The following BCAS3 variants were observed in gnomAD, a reference collection of about 807,000 sequenced individuals.
BCAS3 encodes the protein BCAS3 microtubule associated cell migration factor.
In BCAS3, 53 loss-of-function variants were observed where a neutral mutation model predicts 116.1. That is an observed-to-expected ratio of 0.46 (90% CI 0.37 to 0.57). The LOEUF (loss-of-function observed/expected upper bound fraction) is 0.57. Ranked by LOEUF, BCAS3 falls within the 20% of genes least tolerant of loss-of-function variation. The pLI is 0.00. For synonymous variants in BCAS3, 391 were observed against 408.2 expected, an observed-to-expected ratio of 0.96 and a Z score of 0.51; for missense variants, 917 against 1,165.4, an observed-to-expected ratio of 0.79 and a Z score of 3.10.
rs191229127 is a variant in BCAS3, at chr17:61,079,017, C to T, written c.2327+488C>T. ...ATTTTTATAATACATGTTCTCTCAT[C>T]CTTATTTGTAGGAATCCTAGGACAG... On this transcript the variant is annotated intron_variant, in intron 21 of 23. Transcript: ENST00000407086. Among the ~76,000 whole-genome samples the T allele has an allele frequency of 5.8e-4, 88 of 151,746 alleles. 1 individual carries two copies. In the South Asian group the frequency reaches 0.018, roughly 31 times the overall value.
chr17:61,087,593 AG>A lies in BCAS3; in HGVS notation c.2425+3030del, dbSNP rs1339711208. 2 of 152,226 alleles carry A rather than the reference AG, an allele frequency of 1.3e-5. No individual in the cohort carries two copies. Among genetic ancestry groups the A allele is most frequent in the African/African-American group, 4.8e-5 (2 of 41,446 alleles). 9.4% of individuals were successfully genotyped at this position (152,226 alleles called of 1,614,324 possible). A position where few individuals can be genotyped will look rare whatever the true frequency, so the allele number is the denominator to read the frequency against. ...CATTGAAACTAAAAGAGGTGTGCAG[AG>A]TGTGCCACTTTTACCATGTAATGGT... On this transcript the variant is annotated intron_variant, in intron 22 of 23. Transcript: ENST00000407086. This position sits in a 1 kb window ranked among gnomAD's most constrained non-coding sequence, Gnocchi z 4.6.
Position 61,276,840 on chromosome 17 carries a change from T to C in BCAS3, c.2426-91487T>C, listed in dbSNP as rs2050794558. On this transcript the variant is annotated intron_variant, in intron 22 of 23. Coordinates refer to ENST00000407086, the MANE Select transcript of BCAS3 (RefSeq NM_017679.5). The surrounding 1 kb of genome is among the most constrained non-coding windows in gnomAD (Gnocchi z 4.2). ...TACAGTAATCAAGACAGTGTGGTACTGGCATAAGGATAGACATATACCATA... is the reference window on the plus strand; with the variant it reads ...TACAGTAATCAAGACAGTGTGGTACCGGCATAAGGATAGACATATACCATA... 1.3e-5 allele frequency among the ~76,000 whole-genome samples: 2 copies of C among 152,328 alleles called. No individual in the cohort carries two copies. Among genetic ancestry groups the C allele is most frequent in the South Asian group, 4.1e-4 (2 of 4,832 alleles).
In BCAS3 at chr17:60,974,973, GTT is replaced by G. The variant is rs199766737; in HGVS notation, c.1222-14991_1222-14990del. On this transcript the variant is annotated intron_variant, in intron 14 of 23. Coordinates refer to ENST00000407086, the MANE Select transcript of BCAS3 (RefSeq NM_017679.5). The stretch of plus-strand genomic sequence containing the variant: ...TACCCATATTATATTCAAGCCATTT[GTT>G]TTTTTTGTTTTTTTTGCTTTTTTGT... Among the ~76,000 whole-genome samples, 379 of 136,976 alleles carry G rather than the reference GTT, an allele frequency of 2.8e-3. 12 individuals carry two copies. Among genetic ancestry groups the G allele is most frequent in the African/African-American group, 0.013 (361 of 28,810 alleles). 89.9% of individuals were successfully genotyped at this position (136,976 alleles called of 152,430 possible). A position where few individuals can be genotyped will look rare whatever the true frequency, so the allele number is the denominator to read the frequency against.
chr17:60,891,634 A>C (rs2057155866), intron 10 of BCAS3: 1 of 453,004 alleles, frequency 2.2e-6, no homozygotes, highest in Admixed American at 2.4e-5. Flanking sequence ...TTGACTATAA[A>C]ATCTTAAGAA....
chr17:60,789,341 G>A lies in BCAS3; in HGVS notation c.404-18663G>A, dbSNP rs554311288. The stretch of plus-strand genomic sequence containing the variant: ...CTTTGGTTTAAATGAGTTTACAATG[G>A]TGTGTGTGGTGGGGGATATTATTTA... On this transcript the variant is annotated intron_variant, in intron 6 of 23. Coordinates refer to ENST00000407086, the MANE Select transcript of BCAS3 (RefSeq NM_017679.5). 2.6e-5 allele frequency among the ~76,000 whole-genome samples: 4 copies of A among 152,254 alleles called. No homozygotes were observed. The East Asian group carries it at 7.7e-4, about 29-fold the overall frequency.
chr17:60,999,916 T>C (rs1420318467), intron 15 of BCAS3, among the ~76,000 whole-genome samples: 1 of 152,154 alleles, frequency 6.6e-6, no homozygotes, highest in African/African-American at 2.4e-5. Context: ...TTTTTGTGGC[T>C]TTTCTTAAAG....
chr17:61,332,282 C>A lies in BCAS3; in HGVS notation c.2426-36045C>A, dbSNP rs114252259. The stretch of plus-strand genomic sequence containing the variant: ...ACCTAAAACAGTCTTACTAGGACAG[C>A]AGGCTTAAGGTATGCCCAGCGCTCA... On this transcript the variant is annotated intron_variant, in intron 22 of 23. Transcript: ENST00000407086. The surrounding 1 kb of genome is among the most constrained non-coding windows in gnomAD (Gnocchi z 5.4). Among the ~76,000 whole-genome samples the A allele has an allele frequency of 1.3e-5, 2 of 152,162 alleles. No homozygotes were observed. The highest frequency in any genetic ancestry group is 4.2e-4 in the South Asian group (2 of 4,818).
intron 4 of BCAS3, among the ~76,000 whole-genome samples, chr17:60,706,139 T>C (rs979189960): frequency 1.2e-4 from 18 of 151,640 alleles, no homozygotes; most frequent in Non-Finnish European, 2.4e-4. Context: ...CTCGGCTCAC[T>C]GTAACCTCCA....
chr17:60,847,316 A>G (rs1409345105), intron 7 of BCAS3, among the ~76,000 whole-genome samples: 1 of 152,126 alleles, frequency 6.6e-6, no homozygotes, highest in Non-Finnish European at 1.5e-5. Context: ...TTTTGTGTGA[A>G]CATATGCTTG....
At chr17:60,723,142 A>G (rs1014387501) in intron 5 of BCAS3, among the ~76,000 whole-genome samples, 5 of 152,192 alleles carry the variant, frequency 3.3e-5, no homozygotes, top group African/African-American at 1.2e-4. Flanking sequence ...GAGATTCACC[A>G]ATTACGGATT....
chr17:61,383,305 T>G (rs1769810720), intron 23 of BCAS3: 1 of 152,290 alleles, frequency 6.6e-6, no homozygotes, highest in South Asian at 2.1e-4. Flanking sequence ...CTTCCTACTG[T>G]GAGGAGCTAC....
intron 6 of BCAS3, among the ~76,000 whole-genome samples, chr17:60,765,168 TG>T (rs567769246): frequency 1.3e-5 from 2 of 152,218 alleles, no homozygotes; most frequent in Non-Finnish European, 2.9e-5. Flanking sequence ...TGTCTTTTCA[TG>T]GGGGCATTTA....
In BCAS3 at chr17:61,219,083, G is replaced by A. The variant is rs374866167; in HGVS notation, c.2425+134519G>A. Among the ~76,000 whole-genome samples the A allele has an allele frequency of 7.9e-5, 12 of 152,168 alleles. No homozygotes were observed. The highest frequency in any genetic ancestry group is 6.2e-4 in the South Asian group (3 of 4,808). On this transcript the variant is annotated intron_variant, in intron 22 of 23. Transcript: ENST00000407086. The surrounding 1 kb of genome is among the most constrained non-coding windows in gnomAD (Gnocchi z 5.2). ...TGGCTCTCTAGAATTAGGATTCTGC[G>A]CTCCGTAACTAATATTTTTATAGGA...
At chr17:60,769,330 T>G (rs1313075195) in intron 6 of BCAS3, among the ~76,000 whole-genome samples, 1 of 152,156 alleles carries the variant, frequency 6.6e-6, no homozygotes, top group African/African-American at 2.4e-5. Flanking sequence ...GTGAGGCCAC[T>G]CTTAGTGGGA....
rs1302767223 is a variant in BCAS3, at chr17:61,261,698, T to G, written c.2426-106629T>G. On this transcript the variant is annotated intron_variant, in intron 22 of 23. Coordinates refer to ENST00000407086, the MANE Select transcript of BCAS3 (RefSeq NM_017679.5). The surrounding 1 kb of genome is among the most constrained non-coding windows in gnomAD (Gnocchi z 4.4). The stretch of plus-strand genomic sequence containing the variant: ...ATTGGTTGAACCTTATTGTTTAAAT[T>G]AGCTATACCCCAGCCAAAGCTCACA... 6.6e-6 allele frequency among the ~76,000 whole-genome samples: 1 copy of G among 152,214 alleles called. No individual in the cohort carries two copies. Among genetic ancestry groups the G allele is most frequent in the East Asian group, 1.9e-4 (1 of 5,198 alleles).
chr17:61,046,008 ATATT>A (rs2068193965), intron 19 of BCAS3, among the ~76,000 whole-genome samples: 2 of 10,324 alleles, frequency 1.9e-4, no homozygotes, highest in Non-Finnish European at 2.8e-4. Flanking sequence ...TATAATATAT[ATATT>A]TATATATATA....
In BCAS3 at chr17:61,281,398, ATTAT is replaced by A. The variant is rs1223485957; in HGVS notation, c.2426-86925_2426-86922del. On this transcript the variant is annotated intron_variant, in intron 22 of 23. Transcript: ENST00000407086. This position sits in a 1 kb window ranked among gnomAD's most constrained non-coding sequence, Gnocchi z 4.2. ...TGACCTAGGAATTTTTTGTAATTTA[ATTAT>A]TTAATGTCAAATTTTCCATCATAGT... is the stretch of plus-strand genomic sequence containing the variant. 6.6e-6 allele frequency among the ~76,000 whole-genome samples: 1 copy of A among 152,172 alleles called. No individual in the cohort carries two copies. Among genetic ancestry groups the A allele is most frequent in the Non-Finnish European group, 1.5e-5 (1 of 68,020 alleles).
rs185069815 is a variant in BCAS3 at position 60,867,616 on chromosome 17, A to G, written c.477-960A>G. On this transcript the variant is annotated intron_variant, in intron 7 of 23. Coordinates refer to ENST00000407086, the MANE Select transcript of BCAS3 (RefSeq NM_017679.5). The stretch of plus-strand genomic sequence containing the variant: ...TATCTAGAGACCTTGGTAAATCCAT[A>G]TATTCTAACAGTTGGTCTTTATTAT... Among the ~76,000 whole-genome samples the G allele has an allele frequency of 3.9e-4, 59 of 152,280 alleles. No homozygotes were observed. The East Asian group carries it at 9.3e-3, about 24-fold the overall frequency.
At chr17:61,372,597 A>G (rs1425508064) in intron 23 of BCAS3, among the ~76,000 whole-genome samples, 2 of 152,010 alleles carry the variant, frequency 1.3e-5, no homozygotes. Context: ...GCCCTTTGAG[A>G]CCAGCCACTG....
Sources: allele counts gnomAD v4.1 joint callset (sites outside exome capture counted in the v4.1 genomes callset), GRCh38; gene constraint gnomAD v4.1.1; non-coding constraint Gnocchi (gnomAD v3.1); transcripts MANE v1.5; gene names NCBI Gene and HGNC (gene_info 2026-07-23, HGNC 2026-07-21).